L3MBTL4: variants seen among roughly 807,000 people sequenced by gnomAD.
L3MBTL4 encodes L3MBTL histone methyl-lysine binding protein 4.
A neutral mutation model predicts 84.5 loss-of-function variants in L3MBTL4; 70 were observed. The observed-to-expected ratio is 0.83, with a 90% CI of 0.68 to 1.01. The LOEUF is 1.01. Ranked by LOEUF, L3MBTL4 falls within the 50% of genes least tolerant of loss-of-function variation. L3MBTL4 has a pLI of 0.00. For synonymous variants in L3MBTL4, 274 were observed against 259.8 expected, an observed-to-expected ratio of 1.05 and a Z score of -0.52; for missense variants, 715 against 754.8, an observed-to-expected ratio of 0.95 and a Z score of 0.62.
At chr18:6,346,415 T>C (rs1006536757) in intron 1 of L3MBTL4, among the ~76,000 whole-genome samples, 1 of 151,624 alleles carries the variant, frequency 6.6e-6, no homozygotes, top group Admixed American at 6.6e-5. Flanking sequence ...ACCTATGAAA[T>C]GGGAGAAAAT....
chr18:6,225,552 G>C (rs1387030223), intron 10 of L3MBTL4, among the ~76,000 whole-genome samples: 1 of 152,160 alleles, frequency 6.6e-6, no homozygotes, highest in Non-Finnish European at 1.5e-5. Flanking sequence ...TTGAGCTCAG[G>C]TGTTCAAGAT....
At chr18:6,033,245 T>C (rs1042492376) in intron 16 of L3MBTL4, among the ~76,000 whole-genome samples, 1 of 152,228 alleles carries the variant, frequency 6.6e-6, no homozygotes, top group Non-Finnish European at 1.5e-5. Context: ...TTGCCTATTG[T>C]AACATTTTAT....
rs554018128 is a variant in L3MBTL4 at position 6,215,864 on chromosome 18, A to G, written c.785-29T>C. The G allele has an allele frequency of 2.4e-6, 3 of 1,239,196 alleles. No individual in the cohort carries two copies. In the Admixed American group the frequency reaches 6.2e-5, roughly 26 times the overall value. The allele number at this position is 1,239,196 out of a possible 1,614,324, so 76.8% of individuals were successfully genotyped here. ...AAAATATATATATATAAATAGCAAA[A>G]GATTACTCATAGATATTCTGATTCC... On this transcript the variant is annotated intron_variant, in intron 10 of 18. Coordinates refer to ENST00000317931, the MANE Select transcript of L3MBTL4 (RefSeq NM_001330559.2).
chr18:6,206,585 G>A (rs988773139), intron 12 of L3MBTL4, among the ~76,000 whole-genome samples: 6 of 152,106 alleles, frequency 3.9e-5, no homozygotes, highest in Non-Finnish European at 5.9e-5. Context: ...CCGTGTTTCC[G>A]TTATTGGTAT....
chr18:6,280,672 A>C (rs560394580), intron 4 of L3MBTL4, among the ~76,000 whole-genome samples: 86 of 152,352 alleles, frequency 5.6e-4, no homozygotes, highest in Middle Eastern at 3.4e-3. Flanking sequence ...GAGGTGGTTA[A>C]GCTAAGGTCC....
intron 1 of L3MBTL4, among the ~76,000 whole-genome samples, chr18:6,336,670 TC>T (rs1457577461): frequency 6.6e-6 from 1 of 152,158 alleles, no homozygotes; most frequent in Non-Finnish European, 1.5e-5. Context: ...AGGTGATACA[TC>T]CCCCAAATTC....
chr18:6,006,918 T>C (rs1219329159), intron 16 of L3MBTL4, among the ~76,000 whole-genome samples: 2 of 152,210 alleles, frequency 1.3e-5, no homozygotes, highest in Non-Finnish European at 1.5e-5. Context: ...GTTGGGTTCA[T>C]AGCTGACATG....
chr18:6,023,483 T>C (rs2055361381), intron 16 of L3MBTL4, among the ~76,000 whole-genome samples: 1 of 152,202 alleles, frequency 6.6e-6, no homozygotes, highest in South Asian at 2.1e-4. Flanking sequence ...TAATTTCCTG[T>C]GGACTAATTT....
chr18:5,960,830 G>GC (rs1176361030), intron 17 of L3MBTL4: 1 of 152,288 alleles, frequency 6.6e-6, no homozygotes. Flanking sequence ...GCCCCCACAT[G>GC]CCCCCAGATA....
intron 13 of L3MBTL4, among the ~76,000 whole-genome samples, chr18:6,147,291 T>C (rs1598905285): frequency 6.6e-6 from 1 of 152,056 alleles, no homozygotes; most frequent in East Asian, 1.9e-4. Context: ...ACTAAAATTA[T>C]AGGTTAATCA....
chr18:5,984,353 T>C (rs1252383228), intron 16 of L3MBTL4, among the ~76,000 whole-genome samples: 1 of 152,268 alleles, frequency 6.6e-6, no homozygotes, highest in East Asian at 1.9e-4. Flanking sequence ...AGCCATACTT[T>C]ATTGTAGAAT....
chr18:6,358,673 C>T (rs1219480515), intron 1 of L3MBTL4, among the ~76,000 whole-genome samples: 2 of 152,202 alleles, frequency 1.3e-5, no homozygotes, highest in African/African-American at 4.8e-5. Context: ...ATCTAACCAG[C>T]ACAAGTTTCA....
chr18:6,206,275 C>G (rs1003027593), intron 12 of L3MBTL4, among the ~76,000 whole-genome samples: 1 of 152,200 alleles, frequency 6.6e-6, no homozygotes, highest in African/African-American at 2.4e-5. Context: ...CCCTCAGACA[C>G]TCAAAGAAAT....
At chr18:6,129,342 C>G (rs941877447) in intron 14 of L3MBTL4, among the ~76,000 whole-genome samples, 4 of 149,200 alleles carry the variant, frequency 2.7e-5, no homozygotes, top group Non-Finnish European at 5.9e-5. Context: ...TGCATGGATA[C>G]TCTTAACAAT....
At chr18:6,133,552 C>T (rs2059940445) in intron 14 of L3MBTL4, among the ~76,000 whole-genome samples, 3 of 152,078 alleles carry the variant, frequency 2.0e-5, no homozygotes, top group Admixed American at 1.3e-4. Context: ...TCCTCCTCCC[C>T]TCACAGAGCA....
intron 16 of L3MBTL4, among the ~76,000 whole-genome samples, chr18:6,078,170 T>C (rs1014802747): frequency 8.1e-5 from 12 of 148,404 alleles, no homozygotes; most frequent in African/African-American, 2.2e-4. Context: ...CTCACACCTG[T>C]AATCCCAGCA....
chr18:6,108,706 G>A (rs1218835766), intron 14 of L3MBTL4, among the ~76,000 whole-genome samples: 1 of 152,020 alleles, frequency 6.6e-6, no homozygotes, highest in Non-Finnish European at 1.5e-5. Context: ...CCTTCTGAGG[G>A]CCCCCTCTTT....
chr18:6,362,489 C>T (rs553016834), intron 1 of L3MBTL4, among the ~76,000 whole-genome samples: 3 of 152,340 alleles, frequency 2.0e-5, no homozygotes, highest in African/African-American at 7.2e-5. Context: ...CCCCAGCCAC[C>T]TGGGTCTAGT....
chr18:6,089,990 G>T (rs1253201468), intron 15 of L3MBTL4, among the ~76,000 whole-genome samples: 1 of 152,056 alleles, frequency 6.6e-6, no homozygotes, highest in Non-Finnish European at 1.5e-5. Context: ...AAGCTCCAAA[G>T]GTTATGTATG....
Sources: allele counts gnomAD v4.1 joint callset (sites outside exome capture counted in the v4.1 genomes callset), GRCh38; gene constraint gnomAD v4.1.1; transcripts MANE v1.5; gene names NCBI Gene and HGNC (gene_info 2026-07-23, HGNC 2026-07-21).